Variants in PEAK1 observed in about 807,000 individuals in gnomAD.
PEAK1 encodes inactive tyrosine-protein kinase PEAK1.
A neutral mutation model predicts 124.7 loss-of-function variants in PEAK1; 54 were observed. That is an observed-to-expected ratio of 0.43 (90% CI 0.35 to 0.54). The LOEUF is 0.54. Among genes scored for constraint, PEAK1 ranks in the 20% least tolerant of loss-of-function variants. PEAK1 has a pLI of 0.01. For synonymous variants in PEAK1, 719 were observed against 760.0 expected, an observed-to-expected ratio of 0.95 and a Z score of 0.89; for missense variants, 2,046 against 2,134.5, an observed-to-expected ratio of 0.96 and a Z score of 0.82.
intron 1 of PEAK1, chr15:77,417,450 G>A (rs1236008420): frequency 1.1e-4 from 100 of 921,594 alleles, no homozygotes; most frequent in Admixed American, 6.8e-4. Context: ...GGGGTGGGGG[G>A]ATGCGGGGCG....
intron 5 of PEAK1, among the ~76,000 whole-genome samples, chr15:77,256,890 C>T (rs1475704044): frequency 3.4e-5 from 5 of 148,538 alleles, no homozygotes; most frequent in African/African-American, 1.2e-4. Context: ...CCCCACCCCA[C>T]AACAGTCCCC....
intron 2 of PEAK1, among the ~76,000 whole-genome samples, chr15:77,312,332 AT>A (rs2064525181): frequency 6.6e-6 from 1 of 152,214 alleles, no homozygotes; most frequent in African/African-American, 2.4e-5. Context: ...TCTGTACATC[AT>A]TATTAAACCT....
chr15:77,174,282 C>T (rs1028269494), intron 7 of PEAK1, among the ~76,000 whole-genome samples: 41 of 152,146 alleles, frequency 2.7e-4, no homozygotes, highest in African/African-American at 8.4e-4. Flanking sequence ...AGTATTTTTT[C>T]GTTTTTCATT....
At chr15:77,164,297 C>T (rs2055912741) in intron 7 of PEAK1, among the ~76,000 whole-genome samples, 1 of 152,102 alleles carries the variant, frequency 6.6e-6, no homozygotes, top group African/African-American at 2.4e-5. Context: ...AATTTCTTAT[C>T]CTGAACTGAG....
chr15:77,153,219 T>C (rs1355055871), intron 8 of PEAK1, among the ~76,000 whole-genome samples: 8 of 152,162 alleles, frequency 5.3e-5, no homozygotes, highest in Non-Finnish European at 1.5e-5. Flanking sequence ...TAGTCTTGGA[T>C]GGGTGTATGT....
At chr15:77,397,933 C>G (rs540466516) in intron 1 of PEAK1, among the ~76,000 whole-genome samples, 1 of 152,050 alleles carries the variant, frequency 6.6e-6, no homozygotes. Flanking sequence ...GGCATGGTGG[C>G]GCATGCCTGT....
upstream of PEAK1, chr15:77,420,566 A>G: frequency 3.5e-6 from 1 of 282,426 alleles, no homozygotes; most frequent in Non-Finnish European, 6.5e-6. Context: ...GTTTTCGAGG[A>G]CGCTAATATG....
chr15:77,141,983 G>A (rs1302895943), intron 8 of PEAK1, among the ~76,000 whole-genome samples: 1 of 152,090 alleles, frequency 6.6e-6, no homozygotes, highest in Non-Finnish European at 1.5e-5. Context: ...AGAAAAAGTA[G>A]ATTGGAAGTC....
Position 77,417,460 on chromosome 15 carries a change from G to A in PEAK1, c.-666+2546C>T, listed in dbSNP as rs797018274. On this transcript the variant is annotated intron_variant, in intron 1 of 9. Coordinates refer to ENST00000682557, the MANE Select transcript of PEAK1 (RefSeq NM_001385026.1). Reference sequence around the variant, plus strand: ...AGAGTGGGGTGGGGGGATGCGGGGCGGGGGGGGAGGGGGGCAAGAGGTAGG... The same window carrying A: ...AGAGTGGGGTGGGGGGATGCGGGGCAGGGGGGGAGGGGGGCAAGAGGTAGG... 6.5e-5 allele frequency: 51 copies of A among 786,998 alleles called. 1 individual carries two copies. In the African/African-American group the frequency reaches 8.0e-4, roughly 12 times the overall value. The allele number at this position is 786,998 out of a possible 1,614,324, so 48.8% of individuals were successfully genotyped here.
intron 9 of PEAK1, among the ~76,000 whole-genome samples, chr15:77,129,269 GAAATAGGGAAA>G: frequency 6.6e-6 from 1 of 152,296 alleles, no homozygotes; most frequent in East Asian, 1.9e-4. Context: ...TTAGCCTCCA[GAAATAGGGAAA>G]ATAAATTTCT....
intron 5 of PEAK1, among the ~76,000 whole-genome samples, chr15:77,263,293 C>T (rs1256247012): frequency 1.3e-5 from 2 of 151,834 alleles, no homozygotes; most frequent in Non-Finnish European, 2.9e-5. Flanking sequence ...AAAAACACTT[C>T]AAAAAAATCA....
rs375129309 is a variant in PEAK1 at position 77,150,819 on chromosome 15, G to T, written c.3331+7684C>A. Among the ~76,000 whole-genome samples the T allele has an allele frequency of 5.3e-5, 8 of 151,904 alleles. 1 individual carries two copies. The highest frequency in any genetic ancestry group is 9.7e-5 in the African/African-American group (4 of 41,340). On this transcript the variant is annotated intron_variant, in intron 8 of 9. Coordinates refer to ENST00000682557, the MANE Select transcript of PEAK1 (RefSeq NM_001385026.1). ...AGAATGATGGTTTCCAATTTCATCCGTGTCCCTACAAAGGACATGAACTCA... is the reference window on the plus strand; with the variant it reads ...AGAATGATGGTTTCCAATTTCATCCTTGTCCCTACAAAGGACATGAACTCA...
intron 2 of PEAK1, among the ~76,000 whole-genome samples, chr15:77,314,099 T>C (rs34607003): frequency 0.077 from 11,702 of 152,186 alleles, 558 homozygotes; most frequent in Non-Finnish European, 0.1. Context: ...ATTTTAAAAC[T>C]TTTGTTTAAA....
upstream of PEAK1, chr15:77,420,477 C>T (rs145202764): frequency 3.1e-4 from 52 of 166,966 alleles, 1 homozygote; most frequent in Non-Finnish European, 7.7e-5. Flanking sequence ...GATTAAGCCG[C>T]AGAGGAAAAG....
chr15:77,235,903 G>A (rs1427528565), intron 6 of PEAK1, among the ~76,000 whole-genome samples: 1 of 152,238 alleles, frequency 6.6e-6, no homozygotes, highest in Non-Finnish European at 1.5e-5. Context: ...TTGCTTCAGA[G>A]GGTGCAAGCC....
intron 6 of PEAK1, among the ~76,000 whole-genome samples, chr15:77,234,486 A>G (rs1181940136): frequency 2.0e-5 from 3 of 152,180 alleles, no homozygotes; most frequent in African/African-American, 7.2e-5. Context: ...TGCTTCCATG[A>G]AAAATGTAAG....
chr15:77,375,724 G>C (rs573515354), intron 1 of PEAK1, among the ~76,000 whole-genome samples: 8 of 152,122 alleles, frequency 5.3e-5, no homozygotes, highest in African/African-American at 1.7e-4. Flanking sequence ...GGCCAGGCGC[G>C]GTGGCTCACG....
At chr15:77,217,678 C>T (rs1457013954) in intron 6 of PEAK1, among the ~76,000 whole-genome samples, 4 of 152,052 alleles carry the variant, frequency 2.6e-5, no homozygotes, top group South Asian at 2.1e-4. Context: ...TAAAATATAC[C>T]GCATTGATGT....
chr15:77,254,293 C>T (rs1361879565), intron 5 of PEAK1, among the ~76,000 whole-genome samples: 2 of 152,124 alleles, frequency 1.3e-5, no homozygotes, highest in East Asian at 1.9e-4. Flanking sequence ...TTCTCCCTTC[C>T]TCTTGGGGAT....
Sources: allele counts gnomAD v4.1 joint callset (sites outside exome capture counted in the v4.1 genomes callset), GRCh38; gene constraint gnomAD v4.1.1; transcripts MANE v1.5; gene names NCBI Gene and HGNC (gene_info 2026-07-23, HGNC 2026-07-21).